TTC21A: variants seen among roughly 807,000 people sequenced by gnomAD.
TTC21A encodes the protein tetratricopeptide repeat domain 21A, also known as tetratricopeptide repeat protein 21A.
TTC21A carries 128 observed loss-of-function variants against 156.4 expected under a neutral mutation model. That is an observed-to-expected ratio of 0.82 (90% CI 0.71 to 0.95). The LOEUF is 0.95. TTC21A is among the 40% of genes least tolerant of loss of function. The probability of loss-of-function intolerance (pLI) is 0.00; values close to 1 mark genes in which losing one functional copy is unlikely to be tolerated. For synonymous variants in TTC21A, 587 were observed against 617.1 expected (o/e 0.95, Z 0.72); for missense variants, 1,435 against 1,602.3 (o/e 0.90, Z 1.78).
Position 39,134,733 on chromosome 3 carries a change from G to A in TTC21A, c.2863-360G>A, listed in dbSNP as rs2125860843. On this transcript the variant is annotated intron_variant, in intron 21 of 28. Coordinates refer to ENST00000683103, the MANE Select transcript of TTC21A (RefSeq NM_001366900.1). This position sits in a 1 kb window ranked among gnomAD's most constrained non-coding sequence, Gnocchi z 4.6. ...CAGAAGCTGAGCCCTTGCAGAGCAA[G>A]GAGGGGTCCTCATCCCTACCTCTAT... 2.1e-6 allele frequency: 1 copy of A among 477,804 alleles called. No individual in the cohort carries two copies. The highest frequency in any genetic ancestry group is 1.9e-5 in the African/African-American group (1 of 51,512). 29.6% of individuals were successfully genotyped at this position (477,804 alleles called of 1,614,324 possible).
chr3:39,136,300 T>C, intron 22 of TTC21A, 57 bp from the exon 23 acceptor site: 2 of 1,567,072 alleles, frequency 1.3e-6, no homozygotes, highest in Non-Finnish European at 8.6e-7. Context: ...CCCAGCACCC[T>C]CATCTGATAA....
intron 12 of TTC21A, among the ~76,000 whole-genome samples, chr3:39,126,749 A>C (rs1198256855): frequency 6.6e-6 from 1 of 152,162 alleles, no homozygotes; most frequent in Non-Finnish European, 1.5e-5. Flanking sequence ...TCTCACCAGC[A>C]GGGGTCTCTC....
chr3:39,128,863 T>C lies in TTC21A; in HGVS notation c.1827T>C (p.Ser609=), dbSNP rs1380608056. ...KEEGRKFLRP[S]VQPSQRASIL... ...AAGGCAGAAAGTTCCTCAGGCCCTC[T>C]GTGCAGCCTAGCCAGCGGGCATCCA... Residue 609 remains serine (S), a synonymous_variant, in exon 14 of 29, where the codon TCT becomes TCC. Transcript: ENST00000683103. 1.9e-6 allele frequency: 3 copies of C among 1,614,188 alleles called. No homozygotes were observed. In the South Asian group the frequency reaches 3.3e-5, roughly 18 times the overall value.
intron 12 of TTC21A, 97 bp downstream of exon 12, chr3:39,126,487 C>G: frequency 1.2e-6 from 1 of 827,880 alleles, no homozygotes; most frequent in Non-Finnish European, 1.8e-6. Context: ...CACACACACA[C>G]ACACACACAC....
At chr3:39,121,942 T>C (rs889180063) in intron 9 of TTC21A, among the ~76,000 whole-genome samples, 8 of 152,198 alleles carry the variant, frequency 5.3e-5, no homozygotes, top group Non-Finnish European at 8.8e-5. Flanking sequence ...TGGTTCAACA[T>C]GTCAGGCTGA....
chr3:39,127,699 A>T (rs2038383327), intron 12 of TTC21A, among the ~76,000 whole-genome samples: 1 of 152,168 alleles, frequency 6.6e-6, no homozygotes, highest in South Asian at 2.1e-4. Flanking sequence ...CCACCCTGAA[A>T]GTGCCAGCCT....
rs113754575 is a variant in TTC21A, at chr3:39,121,753, C to A, written c.1093+564C>A. Among the ~76,000 whole-genome samples the A allele has an allele frequency of 3.1e-3, 470 of 152,302 alleles. 2 individuals carry two copies. Among genetic ancestry groups the A allele is most frequent in the African/African-American group, 0.011 (442 of 41,572 alleles). Reference sequence around the variant, plus strand: ...CCCCTATTCCATGGTCTGTGGTGAACTCTGAAGTGGCAGTATTTGGTTTGG... The same window carrying A: ...CCCCTATTCCATGGTCTGTGGTGAAATCTGAAGTGGCAGTATTTGGTTTGG... On this transcript the variant is annotated intron_variant, in intron 9 of 28. Transcript: ENST00000683103.
intron 13 of TTC21A, 44 bp downstream of exon 13, chr3:39,128,532 C>T (rs769091016): frequency 1.9e-6 from 3 of 1,611,318 alleles, no homozygotes; most frequent in South Asian, 2.2e-5. Flanking sequence ...GCCCAGCTAG[C>T]TGTGGCCCCT....
At position 39,130,533 on chromosome 3, in the gene TTC21A, C is replaced by A; in HGVS notation, c.2320-168C>A. 1 of 1,005,632 alleles carries A rather than the reference C, an allele frequency of 9.9e-7. No homozygotes were observed. Among genetic ancestry groups the A allele is most frequent in the Non-Finnish European group, 1.5e-6 (1 of 676,474 alleles). 62.3% of individuals were successfully genotyped at this position (1,005,632 alleles called of 1,614,324 possible). On this transcript the variant is annotated intron_variant, in intron 17 of 28. Coordinates refer to ENST00000683103, the MANE Select transcript of TTC21A (RefSeq NM_001366900.1). This position sits in a 1 kb window ranked among gnomAD's most constrained non-coding sequence, Gnocchi z 4.5. The stretch of plus-strand genomic sequence containing the variant: ...CAGCAACTCTCTGCTGCTGACCACA[C>A]CTGCTTAAGCTGAGGGTTACACCCT...
At position 39,126,353 on chromosome 3, in the gene TTC21A, C is replaced by G. The variant is rs770101318; in HGVS notation, c.1485C>G (p.Asp495Glu). 3 of 1,613,940 alleles carry G rather than the reference C, an allele frequency of 1.9e-6. No homozygotes were observed. Among genetic ancestry groups the G allele is most frequent in the South Asian group, 2.2e-5 (2 of 91,080 alleles). ...PVVKAAPALI[D>E]PLYLMAQVRY... is the part of the protein sequence containing the mutation. ...TCAAAGCAGCACCAGCTCTGATCGA[C>G]CCCCTGTATTTGATGGCTCAGGTCA... Residue 495 changes from aspartate (D) to glutamate (E), a missense_variant, in exon 12 of 29, where the codon GAC (aspartate) becomes GAG (glutamate). Coordinates refer to ENST00000683103, the MANE Select transcript of TTC21A (RefSeq NM_001366900.1).
chr3:39,133,124 C>A lies in TTC21A; in HGVS notation c.2635C>A (p.Gln879Lys). 6.2e-7 allele frequency: 1 copy of A among 1,614,246 alleles called. No individual in the cohort carries two copies. The highest frequency in any genetic ancestry group is 8.5e-7 in the Non-Finnish European group (1 of 1,180,046). ...ACCAGAAATGATTCCCTCCCAGAAG[C>A]AACTGGCAGCCTCTATCTGCATCCA... ...EQPEMIPSQK[Q>K]LAASICIQFA... The change falls in exon 20 of 29, where the codon CAA (glutamine) becomes AAA (lysine). Residue 879 changes from glutamine to lysine, a missense_variant. Gln to Lys is a moderately conservative substitution (Grantham distance 53, BLOSUM62 1). Transcript: ENST00000683103.
At chr3:39,128,528 C>T (rs2038453024) in intron 13 of TTC21A, 40 bp downstream of exon 13, 1 of 1,612,046 alleles carries the variant, frequency 6.2e-7, no homozygotes, top group Non-Finnish European at 8.5e-7. Context: ...CAAAGCCCAG[C>T]TAGCTGTGGC....
intron 9 of TTC21A, among the ~76,000 whole-genome samples, chr3:39,122,391 T>C (rs2037847781): frequency 6.6e-6 from 1 of 151,372 alleles, no homozygotes; most frequent in Non-Finnish European, 1.5e-5. Context: ...TTCTAGAAGA[T>C]GGAAGGCAAA....
intron 11 of TTC21A, among the ~76,000 whole-genome samples, chr3:39,126,041 T>A (rs1424388892): frequency 1.3e-5 from 2 of 152,216 alleles, no homozygotes; most frequent in Non-Finnish European, 2.9e-5. Context: ...AGTGCATTAC[T>A]ACATGCCAGA....
At position 39,125,540 on chromosome 3, in the gene TTC21A, G is replaced by A. The variant is rs2038152773; in HGVS notation, c.1392+8G>A. The stretch of plus-strand genomic sequence containing the variant: ...CTCTTCTGCCCCAAGCAGGTTAGGG[G>A]AAGGCCTGTCTTCATGGTGGGGGTC... On this transcript the variant is annotated splice_region_variant and intron_variant, in intron 11 of 28. Coordinates refer to ENST00000683103, the MANE Select transcript of TTC21A (RefSeq NM_001366900.1). 3.7e-6 allele frequency: 6 copies of A among 1,601,932 alleles called. No individual in the cohort carries two copies. The highest frequency in any genetic ancestry group is 5.1e-6 in the Non-Finnish European group (6 of 1,169,012).
At chr3:39,126,516 ACACACT>A (rs1465635096) in intron 12 of TTC21A, 126 bp downstream of exon 12, 5 of 943,686 alleles carry the variant, frequency 5.3e-6, no homozygotes, top group East Asian at 3.0e-5. Flanking sequence ...ACACACACAC[ACACACT>A]CTCCTTGCCT....
chr3:39,128,266 C>T (rs2038426448), intron 12 of TTC21A, 65 bp from the exon 13 acceptor site: 8 of 1,538,264 alleles, frequency 5.2e-6, no homozygotes, highest in East Asian at 2.3e-5. Context: ...TCATTCTGCC[C>T]TTGCATATCA....
At position 39,129,048 on chromosome 3, in the gene TTC21A, GT is replaced by G. The variant is rs1242999589; in HGVS notation, c.1897-23del. The G allele has an allele frequency of 1.9e-6, 3 of 1,612,652 alleles. No homozygotes were observed. The African/African-American group carries it at 4.0e-5, about 22-fold the overall frequency. On this transcript the variant is annotated intron_variant, in intron 14 of 28. Transcript: ENST00000683103. ...TGTTTACTTGTGCATCAAGTGAAGGGTCTGTTTGATTCCCATGTTTTAGCAT... is the reference window on the plus strand; with the variant it reads ...TGTTTACTTGTGCATCAAGTGAAGGGCTGTTTGATTCCCATGTTTTAGCAT...
At chr3:39,110,374 G>A in intron 3 of TTC21A, 1 of 592,718 alleles carries the variant, frequency 1.7e-6, no homozygotes. Flanking sequence ...AGTGGGAGGG[G>A]CCCATGCTCC....
Sources: gnomAD v4.1 joint callset for allele counts (sites outside exome capture counted in the v4.1 genomes callset) on GRCh38, gnomAD v4.1.1 for gene constraint, Gnocchi (gnomAD v3.1) non-coding constraint, MANE v1.5 for transcripts, NCBI Gene and HGNC (gene_info 2026-07-23, HGNC 2026-07-21) for gene names.